Variants in LRP1B observed in about 807,000 individuals in gnomAD.
LRP1B encodes the protein LDL receptor related protein 1B.
LRP1B carries 217 observed loss-of-function variants against 556.6 expected under a neutral mutation model. That is an observed-to-expected ratio of 0.39 (90% CI 0.35 to 0.44). The LOEUF (loss-of-function observed/expected upper bound fraction) is 0.44. LRP1B is among the 20% of genes least tolerant of loss of function. The pLI is 1.00. For synonymous variants in LRP1B, 2,047 were observed against 1,865.8 expected (o/e 1.10, Z -2.50); for missense variants, 5,053 against 5,620.8 (o/e 0.90, Z 3.23).
intron 35 of LRP1B, among the ~76,000 whole-genome samples, chr2:140,766,459 G>A (rs1689106965): frequency 6.6e-6 from 1 of 152,008 alleles, no homozygotes; most frequent in Non-Finnish European, 1.5e-5. Context: ...CACAAGTTAT[G>A]CAAAAAGGCA....
intron 3 of LRP1B, among the ~76,000 whole-genome samples, chr2:141,287,914 T>A (rs1685782095): frequency 6.6e-6 from 1 of 152,202 alleles, no homozygotes; most frequent in African/African-American, 2.4e-5. Context: ...TCTTCCTGCC[T>A]CCTTTTAAAT....
intron 1 of LRP1B, among the ~76,000 whole-genome samples, chr2:141,927,389 T>C (rs1700362945): frequency 6.6e-6 from 1 of 152,136 alleles, no homozygotes; most frequent in Admixed American, 6.6e-5. Flanking sequence ...GATATTTTTA[T>C]AAAATTTTAA....
rs777326430 is a variant in LRP1B, at chr2:140,485,346, G to T, written c.9422C>A (p.Ala3141Asp). 2 of 1,607,218 alleles carry T rather than the reference G, an allele frequency of 1.2e-6. No individual in the cohort carries two copies. The highest frequency in any genetic ancestry group is 2.2e-5 in the East Asian group (1 of 44,740). The change falls in exon 59 of 91, where the codon GCT (alanine) becomes GAT (aspartate). Residue 3141 changes from alanine (A) to aspartate (D), a missense_variant. Around this residue, in one of 5 missense-constraint regions of LRP1B, gnomAD observed 3,619 missense variants for 3,931.9 expected, o/e 0.92. Transcript: ENST00000389484. ...FPRDLSLDPQ[A>D]GYLYWIDCCE... is the part of the protein sequence containing the mutation. ...ATTTTTAACAGTTTTTACAAACCCAGCTTGAGGATCTAAAGACAAGTCTCT... is the reference window on the plus strand; with the variant it reads ...ATTTTTAACAGTTTTTACAAACCCATCTTGAGGATCTAAAGACAAGTCTCT...
At chr2:140,314,843 T>G in intron 83 of LRP1B, 92 bp downstream of exon 83, 2 of 826,584 alleles carry the variant, frequency 2.4e-6, no homozygotes. Context: ...CATTAAGATA[T>G]TAGGAAGTAT....
intron 3 of LRP1B, among the ~76,000 whole-genome samples, chr2:141,335,648 AAACT>A (rs751852131): frequency 1.3e-5 from 2 of 152,218 alleles, no homozygotes; most frequent in African/African-American, 4.8e-5. Context: ...ACATAAAAAT[AAACT>A]AATAAAAACT....
rs60275697 is a variant in LRP1B at position 141,108,334 on chromosome 2, C to CTTTTT, written c.1014-46066_1014-46062dup. The stretch of plus-strand genomic sequence containing the variant: ...ACAAAAATATGTTTATAATCTGTTT[C>CTTTTT]TTTTTTTTTTTTTTTTTTTTTTTTT... On this transcript the variant is annotated intron_variant, in intron 7 of 90. Coordinates refer to ENST00000389484, the MANE Select transcript of LRP1B (RefSeq NM_018557.3). 5.7e-3 allele frequency among the ~76,000 whole-genome samples: 503 copies of CTTTTT among 88,456 alleles called. 42 individuals are homozygous for CTTTTT. The highest frequency in any genetic ancestry group is 8.0e-3 in the African/African-American group (166 of 20,716). The allele number at this position is 88,456 out of a possible 152,430, so 58.0% of individuals were successfully genotyped here.
chr2:140,353,058 A>T lies in LRP1B; in HGVS notation c.11545T>A (p.Leu3849Met), dbSNP rs1347747999. 5 of 1,612,932 alleles carry T rather than the reference A, an allele frequency of 3.1e-6. No individual in the cohort carries two copies. Among genetic ancestry groups the T allele is most frequent in the Non-Finnish European group, 4.2e-6 (5 of 1,179,382 alleles). ...NRQCEDLNEC[L>M]VFGTCSHQCI... ...TGATGGGAACATGTGCCAAACACCA[A>T]ACATTCATTAAGGTCTAGAAAAGAA... Residue 3849 changes from leucine (L) to methionine (M), a missense_variant, in exon 76 of 91, where the codon TTG becomes ATG. Physicochemically the swap from Leu to Met is conservative, Grantham distance 15. Transcript: ENST00000389484.
intron 41 of LRP1B, among the ~76,000 whole-genome samples, chr2:140,695,153 AT>A (rs1488264611): frequency 6.6e-6 from 1 of 151,560 alleles, no homozygotes; most frequent in African/African-American, 2.4e-5. Flanking sequence ...TAAAGGGGTT[AT>A]TTTTTAACCT....
At chr2:142,129,149 G>A (rs1031802600) in intron 1 of LRP1B, among the ~76,000 whole-genome samples, 1 of 152,180 alleles carries the variant, frequency 6.6e-6, no homozygotes, top group Non-Finnish European at 1.5e-5. Context: ...CCTAAGAAAG[G>A]TTGAGAGCTG....
chr2:141,451,961 T>C (rs562535858), intron 3 of LRP1B, among the ~76,000 whole-genome samples: 38 of 152,220 alleles, frequency 2.5e-4, no homozygotes, highest in Non-Finnish European at 4.1e-4. Context: ...CTAAATTGAA[T>C]TATTTACATT....
intron 1 of LRP1B, among the ~76,000 whole-genome samples, chr2:142,056,066 A>G (rs548198111): frequency 2.6e-4 from 40 of 152,178 alleles, no homozygotes; most frequent in African/African-American, 9.6e-4. Context: ...CACAAGAATC[A>G]CATGAACCCA....
At chr2:141,391,515 A>G (rs149251339) in intron 3 of LRP1B, among the ~76,000 whole-genome samples, 1 of 151,984 alleles carries the variant, frequency 6.6e-6, no homozygotes, top group Non-Finnish European at 1.5e-5. Context: ...TGGAAAAAAA[A>G]TTGTGAAAGG....
chr2:141,951,124 AT>A (rs896174338), intron 1 of LRP1B, among the ~76,000 whole-genome samples: 1 of 151,894 alleles, frequency 6.6e-6, no homozygotes, highest in Non-Finnish European at 1.5e-5. Context: ...GTATGTTCAT[AT>A]TTTTTTCTTG....
chr2:141,641,499 TTAAAACATA>T (rs1232284706), intron 2 of LRP1B, among the ~76,000 whole-genome samples: 1 of 152,198 alleles, frequency 6.6e-6, no homozygotes, highest in Non-Finnish European at 1.5e-5. Flanking sequence ...AGAATCTATT[TTAAAACATA>T]TAAAGTTGAC....
intron 15 of LRP1B, among the ~76,000 whole-genome samples, chr2:141,004,833 CAA>C (rs1697522808): frequency 1.3e-5 from 2 of 152,124 alleles, no homozygotes; most frequent in South Asian, 4.1e-4. Flanking sequence ...GAAATGTCAG[CAA>C]AAGTTAATAA....
intron 66 of LRP1B, among the ~76,000 whole-genome samples, chr2:140,420,192 G>A (rs1157439885): frequency 1.3e-5 from 2 of 151,686 alleles, no homozygotes; most frequent in African/African-American, 4.8e-5. Flanking sequence ...TAAAAAAAGT[G>A]CAATGGTTAA....
At chr2:141,940,006 C>A (rs892298950) in intron 1 of LRP1B, among the ~76,000 whole-genome samples, 1 of 23,396 alleles carries the variant, frequency 4.3e-5, no homozygotes, top group Non-Finnish European at 9.7e-5. Flanking sequence ...AAGTGATAAA[C>A]ATTAAATCTC....
chr2:141,039,191 T>C (rs1698625637), intron 11 of LRP1B, among the ~76,000 whole-genome samples: 1 of 152,098 alleles, frequency 6.6e-6, no homozygotes, highest in Admixed American at 6.6e-5. Context: ...CTATCTGTTA[T>C]TCACTTACTG....
rs139184806 is a variant in LRP1B at position 140,923,274 on chromosome 2, G to C, written c.3137-127C>G. On this transcript the variant is annotated intron_variant, in intron 20 of 90. Transcript: ENST00000389484. ...TCAGGCATTATTATAATGCTAGAGA[G>C]AATACATTTTTACTTTAGATGGTTA... The C allele has an allele frequency of 1.1e-3, 716 of 634,720 alleles. 1 individual carries two copies. The African/African-American group carries it at 0.012, about 10-fold the overall frequency. The allele number at this position is 634,720 out of a possible 1,614,324, so 39.3% of individuals were successfully genotyped here. A position where few individuals can be genotyped will look rare whatever the true frequency, so the allele number is the denominator to read the frequency against.
Sources: allele counts gnomAD v4.1 joint callset (sites outside exome capture counted in the v4.1 genomes callset), GRCh38; gene constraint gnomAD v4.1.1; regional missense constraint gnomAD v4.1.1; transcripts MANE v1.5; gene names NCBI Gene and HGNC (gene_info 2026-07-23, HGNC 2026-07-21).